LINGO1: variants seen among roughly 807,000 people sequenced by gnomAD.
LINGO1 encodes leucine rich repeat and Ig domain containing 1, also known as leucine-rich repeat and immunoglobulin-like domain-containing nogo receptor-interacting protein 1.
LINGO1 carries 11 observed loss-of-function variants against 37.3 expected under a neutral mutation model. The ratio of observed to expected loss-of-function variants is 0.29; its 90% CI spans 0.19 to 0.49. The LOEUF is 0.49. Among genes scored for constraint, LINGO1 ranks in the 20% least tolerant of loss-of-function variants. The pLI is 0.99. For missense variants in LINGO1, 585 were observed against 878.2 expected (o/e 0.67, Z 4.22); for synonymous variants, 387 against 403.0 (o/e 0.96, Z 0.48).
intron 2 of LINGO1, among the ~76,000 whole-genome samples, chr15:77,682,551 GC>G (rs1198987336): frequency 1.3e-5 from 2 of 151,838 alleles, no homozygotes; most frequent in Non-Finnish European, 2.9e-5. Flanking sequence ...CAGTCATGTA[GC>G]CCCCCAAGCC....
upstream of LINGO1, among the ~76,000 whole-genome samples, chr15:77,696,784 T>A (rs1359113210): frequency 6.6e-6 from 1 of 152,134 alleles, no homozygotes; most frequent in South Asian, 2.1e-4. Flanking sequence ...AACCGACCCC[T>A]CTTCATCTTC....
At chr15:77,650,054 A>G (rs955411901) in intron 3 of LINGO1, among the ~76,000 whole-genome samples, 8 of 152,252 alleles carry the variant, frequency 5.3e-5, no homozygotes, top group African/African-American at 1.9e-4. Flanking sequence ...CCACCCACAC[A>G]TTCTCACATA....
Position 77,615,846 on chromosome 15 carries a change from C to A in LINGO1, c.61G>T (p.Ala21Ser). The A allele has an allele frequency of 6.7e-7, 1 of 1,501,330 alleles. No individual in the cohort carries two copies. Among genetic ancestry groups the A allele is most frequent in the African/African-American group, 1.4e-5 (1 of 71,906 alleles). 93.0% of individuals were successfully genotyped at this position (1,501,330 alleles called of 1,614,324 possible). Residue 21 changes from alanine to serine, a missense_variant, in exon 2 of 2, where the codon GCC becomes TCC. Ala to Ser is a moderately conservative substitution (Grantham distance 99). Around this residue, in one of 4 missense-constraint regions of LINGO1, gnomAD observed 65 missense variants for 57.0 expected, o/e 1.14. Transcript: ENST00000355300. ...GVRSMPSPLL[A>S]CWQPILLLVL... ...AGCAGGAGGATGGGCTGCCAGCAGGCCAGGAGGGGGCTGGGCATGCTCCTC... is the reference window on the plus strand; with the variant it reads ...AGCAGGAGGATGGGCTGCCAGCAGGACAGGAGGGGGCTGGGCATGCTCCTC...
chr15:77,793,842 G>C (rs1475182188), intron 2 of LINGO1, among the ~76,000 whole-genome samples: 4 of 152,220 alleles, frequency 2.6e-5, no homozygotes, highest in Admixed American at 6.5e-5. Flanking sequence ...GTAGAAGACT[G>C]ACGGGCTAAA....
At chr15:77,625,830 A>G (rs1328514054) in intron 1 of LINGO1, among the ~76,000 whole-genome samples, 1 of 152,122 alleles carries the variant, frequency 6.6e-6, no homozygotes, top group African/African-American at 2.4e-5. Flanking sequence ...ACCTCTGGGG[A>G]CCACAAATTC....
chr15:77,614,995 G>A lies in LINGO1; in HGVS notation c.912C>T (p.Gly304=), dbSNP rs1233962806. 2.5e-6 allele frequency: 4 copies of A among 1,614,036 alleles called. No individual in the cohort carries two copies. The South Asian group carries it at 3.3e-5, about 13-fold the overall frequency. ...LSYNPISTIE[G]SMLHELLRLQ... is the part of the protein sequence containing the mutation. ...GCCGGAGCAGCTCATGCAACATGGA[G>A]CCCTCAATGGTGCTGATGGGGTTGT... The change falls in exon 2 of 2, where the codon GGC becomes GGT. Residue 304 remains glycine (G), a synonymous_variant. Coordinates refer to ENST00000355300, the MANE Select transcript of LINGO1 (RefSeq NM_032808.7).
chr15:77,722,552 C>T (rs191693310), intron 2 of LINGO1, among the ~76,000 whole-genome samples: 4 of 152,292 alleles, frequency 2.6e-5, no homozygotes, highest in African/African-American at 7.2e-5. Flanking sequence ...TATAAAATGG[C>T]GATGCTAACT....
chr15:77,685,171 T>A (rs1305658523), intron 2 of LINGO1, among the ~76,000 whole-genome samples: 1 of 151,356 alleles, frequency 6.6e-6, no homozygotes, highest in Non-Finnish European at 1.5e-5. Context: ...TGGGTGGGTA[T>A]GCTAGAGGGC....
At chr15:77,706,064 A>G (rs185819812) in intron 2 of LINGO1, among the ~76,000 whole-genome samples, 106 of 152,274 alleles carry the variant, frequency 7.0e-4, no homozygotes, top group African/African-American at 2.5e-3. Context: ...AGATGGGGAT[A>G]ATAACATATA....
At chr15:77,751,703 C>T (rs4072929) in intron 1 of LINGO1, among the ~76,000 whole-genome samples, 10,651 of 152,278 alleles carry the variant, frequency 0.07, 479 homozygotes, top group Middle Eastern at 0.13. Context: ...ACTTCAAATG[C>T]TTTTGCCTTT....
intron 1 of LINGO1, among the ~76,000 whole-genome samples, chr15:77,801,234 G>T (rs8034539): frequency 3.9e-5 from 6 of 152,182 alleles, no homozygotes; most frequent in Admixed American, 1.3e-4. Context: ...AAACATTGCT[G>T]GTAAGACCGA....
chr15:77,664,177 G>GCGCGCGCGCGCGCA, intron 3 of LINGO1, among the ~76,000 whole-genome samples: 1 of 151,712 alleles, frequency 6.6e-6, no homozygotes, highest in African/African-American at 2.4e-5. Context: ...GTGTGCGCGC[G>GCGCGCGCGCGCGCA]CGCATGCGTT....
chr15:77,786,364 C>A lies in LINGO1; in HGVS notation c.-257+505G>T, dbSNP rs8023377. On this transcript the variant is annotated intron_variant, in intron 1 of 3. Coordinates refer to the LINGO1 transcript ENST00000561686. ...TATTTCAGCTCCCACTTGGTCAGGG[C>A]AGCCAATCAGGACACCTCACCTCAT... Among the ~76,000 whole-genome samples the A allele has an allele frequency of 8.2e-3, 1,249 of 152,250 alleles. 17 individuals are homozygous for A. Among genetic ancestry groups the A allele is most frequent in the African/African-American group, 0.028 (1,156 of 41,526 alleles).
intron 3 of LINGO1, chr15:77,647,771 T>C (rs1267650115): frequency 2.3e-6 from 1 of 440,094 alleles, no homozygotes; most frequent in East Asian, 7.0e-5. Flanking sequence ...CCCTTCCCTC[T>C]CACCCCTCTC....
chr15:77,657,089 A>G (rs2074882128), intron 3 of LINGO1, among the ~76,000 whole-genome samples: 1 of 152,182 alleles, frequency 6.6e-6, no homozygotes, highest in African/African-American at 2.4e-5. Context: ...TGGCATTTCC[A>G]TGACATATAA....
chr15:77,616,408 G>T (rs1160015351), intron 1 of LINGO1, among the ~76,000 whole-genome samples: 1 of 152,196 alleles, frequency 6.6e-6, no homozygotes, highest in African/African-American at 2.4e-5. Context: ...CACGGCCAGG[G>T]CTTCTGAGGC....
chr15:77,724,407 G>A (rs2076081856), intron 2 of LINGO1, among the ~76,000 whole-genome samples: 1 of 152,208 alleles, frequency 6.6e-6, no homozygotes, highest in Non-Finnish European at 1.5e-5. Context: ...GCAAACGCGG[G>A]GACTTATCAG....
chr15:77,680,589 C>T (rs1397627958), intron 2 of LINGO1, among the ~76,000 whole-genome samples: 1 of 152,132 alleles, frequency 6.6e-6, no homozygotes, highest in Admixed American at 6.5e-5. Context: ...GCTCCACCTG[C>T]AGGACCTTCC....
intron 2 of LINGO1, among the ~76,000 whole-genome samples, chr15:77,680,613 G>A (rs2075398310): frequency 6.6e-6 from 1 of 152,142 alleles, no homozygotes; most frequent in African/African-American, 2.4e-5. Flanking sequence ...CATGCAGAAG[G>A]GAGGTGTGAG....
Sources: allele counts gnomAD v4.1 joint callset (sites outside exome capture counted in the v4.1 genomes callset), GRCh38; gene constraint gnomAD v4.1.1; regional missense constraint gnomAD v4.1.1; transcripts MANE v1.5; gene names NCBI Gene and HGNC (gene_info 2026-07-23, HGNC 2026-07-21).